The following NOS3 variants were observed in gnomAD, a reference collection of about 807,000 sequenced individuals.
NOS3 encodes NOS type III.
In NOS3, 98 loss-of-function variants were observed where a neutral mutation model predicts 144.9. The observed-to-expected ratio is 0.68, with a 90% CI of 0.57 to 0.80. NOS3 has a LOEUF of 0.80. NOS3 is among the 30% of genes least tolerant of loss of function. The probability of loss-of-function intolerance (pLI) is 0.00; values close to 1 mark genes in which losing one functional copy is unlikely to be tolerated. For missense variants in NOS3, 1,465 were observed against 1,656.4 expected, an observed-to-expected ratio of 0.88 and a Z score of 2.01; for synonymous variants, 714 against 702.4, an observed-to-expected ratio of 1.02 and a Z score of -0.26.
chr7:150,995,380 G>A (rs907036699), intron 3 of NOS3, 66 bp downstream of exon 3: 12 of 1,086,296 alleles, frequency 1.1e-5, no homozygotes, highest in South Asian at 8.2e-5. Flanking sequence ...GGCCTCAGAT[G>A]GGGCCGGAGA....
chr7:151,008,884 C>T, intron 17 of NOS3, 46 bp from the exon 18 acceptor site: 1 of 1,562,494 alleles, frequency 6.4e-7, no homozygotes, highest in Non-Finnish European at 8.7e-7. Flanking sequence ...ACTAGGGCGA[C>T]CCCTGGTGGC....
At chr7:151,010,335 G>C in intron 21 of NOS3, 48 bp downstream of exon 21, 1 of 1,542,638 alleles carries the variant, frequency 6.5e-7, no homozygotes, top group Middle Eastern at 2.0e-4. Flanking sequence ...GACGGGATGA[G>C]CTGGGGGGAC....
chr7:150,992,704 G>A (rs1002950968), intron 1 of NOS3, among the ~76,000 whole-genome samples: 10 of 150,654 alleles, frequency 6.6e-5, no homozygotes, highest in African/African-American at 2.4e-4. Context: ...TTGTCTGTCT[G>A]TCTGCTGCTC....
chr7:151,013,093 A>AGAGAT (rs1795342193), intron 24 of NOS3, 138 bp from the exon 25 acceptor site: 1 of 908,260 alleles, frequency 1.1e-6, no homozygotes, highest in Non-Finnish European at 1.7e-6. Flanking sequence ...ACACTCTCTT[A>AGAGAT]GAGATGAAAC....
chr7:151,009,012 G>A lies in NOS3; in HGVS notation c.2195G>A (p.Arg732His), dbSNP rs1420652094. Residue 732 changes from arginine to histidine, a missense_variant, in exon 18 of 27, where the codon CGC (arginine) becomes CAC (histidine). Arg to His is a conservative substitution (Grantham distance 29, BLOSUM62 0). This residue lies in a region of NOS3 where 745 missense variants were observed against 853.9 expected (regional missense o/e 0.87). Transcript: ENST00000297494. Reference protein sequence around the residue: ...DIFSPKRSWKRQRYRLSAQAE... With the variant: ...DIFSPKRSWKHQRYRLSAQAE... The stretch of plus-strand genomic sequence containing the variant: ...TTCAGCCCCAAACGGAGCTGGAAGC[G>A]CCAGAGGTACCGGCTGAGCGCCCAG... 1.2e-6 allele frequency: 2 copies of A among 1,611,944 alleles called. No individual in the cohort carries two copies. The highest frequency in any genetic ancestry group is 1.7e-6 in the Non-Finnish European group (2 of 1,179,484).
In NOS3 at chr7:151,013,396, G is replaced by A. The variant is rs976375458; in HGVS notation, c.3255+17G>A. 1 of 1,604,492 alleles carries A rather than the reference G, an allele frequency of 6.2e-7. No homozygotes were observed. The highest frequency in any genetic ancestry group is 1.3e-5 in the African/African-American group (1 of 74,772). ...AACCCCAAGGTGTGAGACCCTGAGG[G>A]CGCAATGGTAACCTGAAGATAGGGA... On this transcript the variant is annotated intron_variant, in intron 25 of 26. Coordinates refer to ENST00000297494, the MANE Select transcript of NOS3 (RefSeq NM_000603.5).
At position 150,995,219 on chromosome 7, in the gene NOS3, C is replaced by T. The variant is rs1802346094; in HGVS notation, c.175C>T (p.Leu59=). 3 of 1,609,176 alleles carry T rather than the reference C, an allele frequency of 1.9e-6. No individual in the cohort carries two copies. Among genetic ancestry groups the T allele is most frequent in the Non-Finnish European group, 2.5e-6 (3 of 1,177,260 alleles). ...APEHSPPSSP[L]TQPPEGPKFP... ...TCCCAACAGCCCCCCGAGCTCCCCG[C>T]TAACCCAGCCCCCAGAGGGGCCCAA... Residue 59 remains leucine, a synonymous_variant, in exon 3 of 27, where the codon CTA becomes TTA. Transcript: ENST00000297494.
In NOS3 at chr7:150,991,102, T is replaced by G. The variant is rs1306619845; in HGVS notation, c.-250T>G. ...ACGAAGAGAACATGAAAGTTAAACT[T>G]TAAGATGAAGAACAAAGCTGAACAT... On this transcript the variant is annotated 5_prime_UTR_variant, in exon 1 of 27. Transcript: ENST00000297494. 6.6e-6 allele frequency: 1 copy of G among 152,208 alleles called. No individual in the cohort carries two copies. Among genetic ancestry groups the G allele is most frequent in the South Asian group, 2.1e-4 (1 of 4,828 alleles). 9.4% of individuals were successfully genotyped at this position (152,208 alleles called of 1,614,324 possible). A position where few individuals can be genotyped will look rare whatever the true frequency, so the allele number is the denominator to read the frequency against.
chr7:150,998,615 T>C lies in NOS3; in HGVS notation c.751T>C (p.Tyr251His). The C allele has an allele frequency of 6.2e-7, 1 of 1,608,842 alleles. No individual in the cohort carries two copies. Among genetic ancestry groups the C allele is most frequent in the South Asian group, 1.1e-5 (1 of 90,290 alleles). The change falls in exon 7 of 27, where the codon TAC (tyrosine) becomes CAC (histidine). Residue 251 changes from tyrosine (Y) to histidine (H), a missense_variant. Coordinates refer to ENST00000297494, the MANE Select transcript of NOS3 (RefSeq NM_000603.5). This position sits in a 1 kb window ranked among gnomAD's most constrained non-coding sequence, Gnocchi z 5.0. ...FRIWNSQLVR[Y>H]AGYRQQDGSV... Reference sequence around the variant, plus strand: ...AATCTGGAACAGCCAGCTGGTGCGCTACGCGGGCTACCGGCAGCAGGATGG... The same window carrying C: ...AATCTGGAACAGCCAGCTGGTGCGCCACGCGGGCTACCGGCAGCAGGATGG...
Position 151,013,339 on chromosome 7 carries a change from G to A in NOS3, c.3215G>A (p.Arg1072Gln). ...QNAQQRGVFG[R>Q]VLTAFSREPD... ...GCCCAGCAGCGCGGGGTGTTTGGCC[G>A]AGTCCTCACCGCCTTCTCCCGGGAA... Residue 1072 changes from arginine (R) to glutamine (Q), a missense_variant, in exon 25 of 27, where the codon CGA becomes CAA. Physicochemically the swap from Arg to Gln is conservative, Grantham distance 43. This residue lies in a region of NOS3 where 228 missense variants were observed against 227.7 expected (regional missense o/e 1.00). Transcript: ENST00000297494. The A allele has an allele frequency of 6.2e-7, 1 of 1,613,868 alleles. No homozygotes were observed. Among genetic ancestry groups the A allele is most frequent in the Non-Finnish European group, 8.5e-7 (1 of 1,179,942 alleles).
In NOS3 at chr7:150,998,898, A is replaced by T. The variant is rs1411867583; in HGVS notation, c.817-48A>T. ...ACAGTGGATGGAGGGGTCCCTGAGGAGGGCATGAGGCTCAGCCCCAGAACC... is the reference window on the plus strand; with the variant it reads ...ACAGTGGATGGAGGGGTCCCTGAGGTGGGCATGAGGCTCAGCCCCAGAACC... On this transcript the variant is annotated intron_variant, in intron 7 of 26. Transcript: ENST00000297494. The surrounding 1 kb of genome is among the most constrained non-coding windows in gnomAD (Gnocchi z 5.0). The T allele has an allele frequency of 3.2e-6, 5 of 1,574,370 alleles. No individual in the cohort carries two copies. The highest frequency in any genetic ancestry group is 4.3e-6 in the Non-Finnish European group (5 of 1,161,128).
In NOS3 at chr7:151,000,618, G is replaced by T. The variant is rs1795068392; in HGVS notation, c.1233+19G>T. The T allele has an allele frequency of 6.4e-7, 1 of 1,554,584 alleles. No individual in the cohort carries two copies. Among genetic ancestry groups the T allele is most frequent in the Non-Finnish European group, 8.9e-7 (1 of 1,126,964 alleles). On this transcript the variant is annotated intron_variant, in intron 10 of 26. Coordinates refer to ENST00000297494, the MANE Select transcript of NOS3 (RefSeq NM_000603.5). ...TTACCAGGTGCAGAGGCCCAGACTG[G>T]CCAGGAAGGCAAAGGGTTTGCATAC... is the stretch of plus-strand genomic sequence containing the variant.
chr7:151,004,340 T>A (rs967974901), intron 14 of NOS3, among the ~76,000 whole-genome samples: 3 of 152,102 alleles, frequency 2.0e-5, no homozygotes, highest in African/African-American at 7.2e-5. Flanking sequence ...CTACTTAAAA[T>A]AAAATACAAA....
rs750930689 is a variant in NOS3, at chr7:151,001,667, C to T, written c.1502+50C>T. 5.7e-6 allele frequency: 9 copies of T among 1,582,352 alleles called. No individual in the cohort carries two copies. In the African/African-American group the frequency reaches 1.2e-4, roughly 21 times the overall value. On this transcript the variant is annotated intron_variant, in intron 12 of 26. Transcript: ENST00000297494. The stretch of plus-strand genomic sequence containing the variant: ...TCCCACACACACCCTGGGGGCCCCA[C>T]TCTCCCCCACACACCCTGGGGGACC...
rs1190922103 is a variant in NOS3 at position 151,008,921 on chromosome 7, G to C, written c.2113-9G>C. ...GGAGGTCCTCAGCCCTCACCGGCCT[G>C]TCCCGCAGGCCGCCTGTGAGACCTT... On this transcript the variant is annotated splice_polypyrimidine_tract_variant and intron_variant, in intron 17 of 26. Transcript: ENST00000297494. 1 of 1,605,342 alleles carries C rather than the reference G, an allele frequency of 6.2e-7. No individual in the cohort carries two copies. Among genetic ancestry groups the C allele is most frequent in the Non-Finnish European group, 8.5e-7 (1 of 1,177,066 alleles).
intron 17 of NOS3, 132 bp from the exon 18 acceptor site, chr7:151,008,798 T>A (rs1052431834): frequency 1.9e-6 from 2 of 1,057,698 alleles, no homozygotes; most frequent in South Asian, 1.9e-5. Flanking sequence ...AAAGGTGCTG[T>A]CCTTGGCGCC....
chr7:151,009,838 A>T (rs895730678), intron 20 of NOS3, among the ~76,000 whole-genome samples: 1 of 152,166 alleles, frequency 6.6e-6, no homozygotes, highest in Non-Finnish European at 1.5e-5. Context: ...AGGCTCCCCT[A>T]GCAATCTAGC....
chr7:151,007,367 C>A, intron 17 of NOS3, 91 bp downstream of exon 17: 1 of 1,379,956 alleles, frequency 7.2e-7, no homozygotes. Context: ...GTTCTTTGGT[C>A]CCTTCCTGTT....
In NOS3 at chr7:151,010,669, T is replaced by C; in HGVS notation, c.2758T>C (p.Ser920Pro). The C allele has an allele frequency of 6.2e-7, 1 of 1,608,562 alleles. No individual in the cohort carries two copies. The change falls in exon 22 of 27, where the codon TCG becomes CCG. Residue 920 changes from serine (S) to proline (P), a missense_variant. Ser to Pro is a moderately conservative substitution (Grantham distance 74, BLOSUM62 -1). Coordinates refer to ENST00000297494, the MANE Select transcript of NOS3 (RefSeq NM_000603.5). The part of the protein sequence containing the change: ...TLLEVLEQFP[S>P]VALPAPLLLT... The stretch of plus-strand genomic sequence containing the variant: ...GCTGGAGGTGCTGGAGCAGTTCCCG[T>C]CGGTGGCGCTGCCTGCCCCACTGCT...
Sources: gnomAD v4.1 joint callset for allele counts (sites outside exome capture counted in the v4.1 genomes callset) on GRCh38, gnomAD v4.1.1 for gene constraint, gnomAD v4.1.1 regional missense constraint, Gnocchi (gnomAD v3.1) non-coding constraint, MANE v1.5 for transcripts, NCBI Gene and HGNC (gene_info 2026-07-23, HGNC 2026-07-21) for gene names.